MIEF2: variants seen among roughly 807,000 people sequenced by gnomAD.
MIEF2 encodes the protein mitochondrial elongation factor 2.
Under a neutral mutation model 7.4 loss-of-function variants are expected in MIEF2, and 1 was observed. The observed-to-expected ratio is 0.14, with a 90% CI of 0.05 to 0.64. The LOEUF is 0.64. MIEF2 is among the 30% of genes least tolerant of loss of function. The pLI is 0.85. For synonymous variants in MIEF2, 275 were observed against 290.5 expected (o/e 0.95, Z 0.54); for missense variants, 569 against 623.9 (o/e 0.91, Z 0.94).
At position 18,263,906 on chromosome 17, in the gene MIEF2, G is replaced by A. The variant is rs759028049; in HGVS notation, c.507G>A (p.Pro169=). The A allele has an allele frequency of 1.1e-5, 17 of 1,601,258 alleles. No homozygotes were observed. Among genetic ancestry groups the A allele is most frequent in the African/African-American group, 6.7e-5 (5 of 74,934 alleles). Residue 169 remains proline (P), a synonymous_variant, in exon 4 of 4, where the codon CCG becomes CCA. Coordinates refer to ENST00000323019, the MANE Select transcript of MIEF2 (RefSeq NM_139162.4). ...ELQAYFRSKF[P]ELPFGAFVPG... Reference sequence around the variant, plus strand: ...AGGCCTACTTTCGGAGCAAGTTCCCGGAACTGCCCTTTGGGGCATTCGTGC... The same window carrying A: ...AGGCCTACTTTCGGAGCAAGTTCCCAGAACTGCCCTTTGGGGCATTCGTGC...
rs1469380422 is a variant in MIEF2, at chr17:18,264,890, A to ATTTT, written c.*126_*127insTTTT. 3 of 1,422,608 alleles carry ATTTT rather than the reference A, an allele frequency of 2.1e-6. No homozygotes were observed. Among genetic ancestry groups the ATTTT allele is most frequent in the Non-Finnish European group, 2.8e-6 (3 of 1,083,380 alleles). The allele number at this position is 1,422,608 out of a possible 1,614,324, so 88.1% of individuals were successfully genotyped here. ...AGAACAAAGGAGGGTACATTACTTA[A>ATTTT]ACCCAGGGCATCAGGATGTGCTTGG... On this transcript the variant is annotated 3_prime_UTR_variant, in exon 4 of 4. Coordinates refer to ENST00000323019, the MANE Select transcript of MIEF2 (RefSeq NM_139162.4).
chr17:18,260,943 A>C (rs1978376220), intron 1 of MIEF2, among the ~76,000 whole-genome samples: 1 of 152,118 alleles, frequency 6.6e-6, no homozygotes, highest in Non-Finnish European at 1.5e-5. Context: ...ACGGGGCGTC[A>C]CCCGCCCACC....
In MIEF2 at chr17:18,264,304, C is replaced by T; in HGVS notation, c.905C>T (p.Ala302Val). 1.2e-6 allele frequency: 2 copies of T among 1,607,670 alleles called. No homozygotes were observed. Among genetic ancestry groups the T allele is most frequent in the Non-Finnish European group, 1.7e-6 (2 of 1,179,904 alleles). Residue 302 changes from alanine to valine, a missense_variant, in exon 4 of 4, where the codon GCT becomes GTT. Transcript: ENST00000323019. Reference sequence around the variant, plus strand: ...CACGAACGCCTGGAGCTCACTGTGGCTGTGCTTGTGGCAGTCCCTGGGGTC... The same window carrying T: ...CACGAACGCCTGGAGCTCACTGTGGTTGTGCTTGTGGCAGTCCCTGGGGTC... ...VQHERLELTV[A>V]VLVAVPGVDA...
Position 18,263,254 on chromosome 17 carries a change from T to G in MIEF2, c.310+6T>G. ...CCCCTCGTCGTCTGCCCCAGGTGAGTGGCACTCCTTCCCCTCTTTTGGTGT... is the reference window on the plus strand; with the variant it reads ...CCCCTCGTCGTCTGCCCCAGGTGAGGGGCACTCCTTCCCCTCTTTTGGTGT... On this transcript the variant is annotated splice_donor_region_variant and intron_variant, in intron 3 of 3. Transcript: ENST00000323019. 1 of 1,613,720 alleles carries G rather than the reference T, an allele frequency of 6.2e-7. No individual in the cohort carries two copies. Among genetic ancestry groups the G allele is most frequent in the East Asian group, 2.2e-5 (1 of 44,874 alleles).
rs1446177849 is a variant in MIEF2 at position 18,264,714 on chromosome 17, A to G, written c.1315A>G (p.Ile439Val). The change falls in exon 4 of 4, where the codon ATT becomes GTT. Residue 439 changes from isoleucine to valine, a missense_variant. Coordinates refer to ENST00000323019, the MANE Select transcript of MIEF2 (RefSeq NM_139162.4). ...CTTGCGTGAGGAGGAGATTGACGAC[A>G]TTGGCTATGCGCTATACAGTGGCCT... ...SSLREEEIDD[I>V]GYALYSGLQE... 4 of 1,612,532 alleles carry G rather than the reference A, an allele frequency of 2.5e-6. No homozygotes were observed. The highest frequency in any genetic ancestry group is 2.7e-5 in the African/African-American group (2 of 74,884).
In MIEF2 at chr17:18,265,152, A is replaced by G. The variant is rs1262052347; in HGVS notation, c.*388A>G. 5.5e-6 allele frequency: 1 copy of G among 180,496 alleles called. No individual in the cohort carries two copies. Among genetic ancestry groups the G allele is most frequent in the East Asian group, 1.4e-4 (1 of 7,066 alleles). The allele number at this position is 180,496 out of a possible 1,614,324, so 11.2% of individuals were successfully genotyped here. ...GCCAGCTTCACATTTCTGCTGAGAG[A>G]AGGTGACTTAACGCCTTTTCCGGCC... On this transcript the variant is annotated 3_prime_UTR_variant, in exon 4 of 4. Transcript: ENST00000323019.
At chr17:18,261,592 C>T (rs1255409171) in intron 1 of MIEF2, among the ~76,000 whole-genome samples, 1 of 152,186 alleles carries the variant, frequency 6.6e-6, no homozygotes, top group African/African-American at 2.4e-5. Flanking sequence ...GCAGTGTCCC[C>T]CTCGCAGAAC....
At chr17:18,260,819 T>G in intron 1 of MIEF2, 82 bp downstream of exon 1, 1 of 364,946 alleles carries the variant, frequency 2.7e-6, no homozygotes, top group Non-Finnish European at 5.0e-6. Flanking sequence ...ATCGGGGGCG[T>G]GGCCCGCGAT....
rs779285392 is a variant in MIEF2 at position 18,263,714 on chromosome 17, G to C, written c.315G>C (p.Gly105=). The C allele has an allele frequency of 6.3e-7, 1 of 1,576,634 alleles. No homozygotes were observed. The change falls in exon 4 of 4, where the codon GGG becomes GGC. Residue 105 remains glycine, a synonymous_variant. Coordinates refer to ENST00000323019, the MANE Select transcript of MIEF2 (RefSeq NM_139162.4). ...CCCCGCCCCTTCACTCTGCAGAAGG[G>C]CCTGCAGAAACTGATCCTGAGGTGA... ...PLAPSSSAPE[G]PAETDPEVTP...
chr17:18,263,543 G>A lies in MIEF2; in HGVS notation c.311-167G>A, dbSNP rs564615043. The A allele has an allele frequency of 2.8e-5, 28 of 1,008,648 alleles. 1 individual carries two copies. The South Asian group carries it at 3.0e-4, about 11-fold the overall frequency. 62.5% of individuals were successfully genotyped at this position (1,008,648 alleles called of 1,614,324 possible). On this transcript the variant is annotated intron_variant, in intron 3 of 3. Transcript: ENST00000323019. ...TTGGACTCTGGGGCAATGAGAACTC[G>A]TCACCAAGAGCTCACTATATGTGAG...
intron 1 of MIEF2, chr17:18,260,966 G>A (rs1476366895): frequency 1.3e-6 from 1 of 740,784 alleles, no homozygotes; most frequent in African/African-American, 1.8e-5. Flanking sequence ...GGGCTGCTGC[G>A]CGGCCTGCTC....
rs550119260 is a variant in MIEF2 at position 18,264,286 on chromosome 17, G to A, written c.887G>A (p.Arg296His). 21 of 1,606,990 alleles carry A rather than the reference G, an allele frequency of 1.3e-5. No individual in the cohort carries two copies. The African/African-American group carries it at 1.5e-4, about 11-fold the overall frequency. ...CTGCTGCTCGAGGTGCAGCACGAACGCCTGGAGCTCACTGTGGCTGTGCTT... is the reference window on the plus strand; with the variant it reads ...CTGCTGCTCGAGGTGCAGCACGAACACCTGGAGCTCACTGTGGCTGTGCTT... ...EELLLEVQHE[R>H]LELTVAVLVA... The change falls in exon 4 of 4, where the codon CGC (arginine) becomes CAC (histidine). Residue 296 changes from arginine to histidine, a missense_variant. Physicochemically the swap from Arg to His is conservative, Grantham distance 29. Coordinates refer to ENST00000323019, the MANE Select transcript of MIEF2 (RefSeq NM_139162.4).
chr17:18,261,630 G>T (rs1365930520), intron 1 of MIEF2, among the ~76,000 whole-genome samples: 6 of 152,210 alleles, frequency 3.9e-5, no homozygotes, highest in African/African-American at 1.4e-4. Context: ...GGCCCTAGGA[G>T]ATCTTTGCCT....
At position 18,263,106 on chromosome 17, in the gene MIEF2, C is replaced by T. The variant is rs1316867341; in HGVS notation, c.168C>T (p.Ser56=). Residue 56 remains serine (S), a synonymous_variant, in exon 3 of 4, where the codon AGC becomes AGT. Coordinates refer to ENST00000323019, the MANE Select transcript of MIEF2 (RefSeq NM_139162.4). ...TGCAGTTCATTGACAGGGCCACTAG[C>T]CCGCGGGATGAGGATGACACCAAGG... ...AVKRFIDRAT[S]PRDEDDTKAD... 1.2e-6 allele frequency: 2 copies of T among 1,613,430 alleles called. No individual in the cohort carries two copies. The highest frequency in any genetic ancestry group is 1.7e-6 in the Non-Finnish European group (2 of 1,179,932).
chr17:18,263,037 A>G (rs780144971), intron 2 of MIEF2, 49 bp from the exon 3 acceptor site: 1 of 1,597,136 alleles, frequency 6.3e-7, no homozygotes, highest in Non-Finnish European at 8.6e-7. Flanking sequence ...GGGCTTTGCT[A>G]TGACTGCCCA....
rs555099774 is a variant in MIEF2 at position 18,264,437 on chromosome 17, C to T, written c.1038C>T (p.Asp346=). ...AGGCTGCTAGGCTGCGAGCCCTGGA[C>T]GACCATGACGCTGGGACTCGCCGGC... The part of the protein sequence containing the change: ...PVEAARLRAL[D]DHDAGTRRRL... Residue 346 remains aspartate (D), a synonymous_variant, in exon 4 of 4, where the codon GAC becomes GAT. Coordinates refer to ENST00000323019, the MANE Select transcript of MIEF2 (RefSeq NM_139162.4). 3.7e-6 allele frequency: 6 copies of T among 1,601,406 alleles called. No homozygotes were observed. The highest frequency in any genetic ancestry group is 2.2e-5 in the East Asian group (1 of 44,862).
rs996523815 is a variant in MIEF2 at position 18,265,722 on chromosome 17, G to A, written c.*958G>A. 1.3e-5 allele frequency: 2 copies of A among 152,464 alleles called. No homozygotes were observed. The highest frequency in any genetic ancestry group is 4.8e-5 in the African/African-American group (2 of 41,440). 9.4% of individuals were successfully genotyped at this position (152,464 alleles called of 1,614,324 possible). A position where few individuals can be genotyped will look rare whatever the true frequency, so the allele number is the denominator to read the frequency against. ...CCTCTGGTATCCTTCCTTTTGAAAC[G>A]AAGCTCAGCTTCGAAGATGTGAACA... On this transcript the variant is annotated 3_prime_UTR_variant, in exon 4 of 4. Transcript: ENST00000323019.
Position 18,263,257 on chromosome 17 carries a change from C to T in MIEF2, c.310+9C>T, listed in dbSNP as rs1407030624. ...CTCGTCGTCTGCCCCAGGTGAGTGG[C>T]ACTCCTTCCCCTCTTTTGGTGTCAC... On this transcript the variant is annotated intron_variant, in intron 3 of 3. Coordinates refer to ENST00000323019, the MANE Select transcript of MIEF2 (RefSeq NM_139162.4). 1 of 1,613,702 alleles carries T rather than the reference C, an allele frequency of 6.2e-7. No individual in the cohort carries two copies. Among genetic ancestry groups the T allele is most frequent in the East Asian group, 2.2e-5 (1 of 44,892 alleles).
In MIEF2 at chr17:18,263,232, CTCG is replaced by C. The variant is rs1295903529; in HGVS notation, c.300_302del (p.Ser101del). 1 of 1,613,896 alleles carries C rather than the reference CTCG, an allele frequency of 6.2e-7. No homozygotes were observed. Among genetic ancestry groups the C allele is most frequent in the South Asian group, 1.1e-5 (1 of 91,088 alleles). ...GCCAGCCAGTGTTGCCCTTGGCCCCCTCGTCGTCTGCCCCAGGTGAGTGGCACT... is the reference window on the plus strand; with the variant it reads ...GCCAGCCAGTGTTGCCCTTGGCCCCCTCGTCTGCCCCAGGTGAGTGGCACT... On this transcript the variant is annotated inframe_deletion, in exon 3 of 4. Coordinates refer to ENST00000323019, the MANE Select transcript of MIEF2 (RefSeq NM_139162.4).
Sources: gnomAD v4.1 joint callset for allele counts (sites outside exome capture counted in the v4.1 genomes callset) on GRCh38, gnomAD v4.1.1 for gene constraint, MANE v1.5 for transcripts, NCBI Gene and HGNC (gene_info 2026-07-23, HGNC 2026-07-21) for gene names.